Variants in EPS8 observed in about 807,000 individuals in gnomAD.
EPS8 encodes the protein EGFR pathway substrate 8, signaling adaptor, also known as epidermal growth factor receptor kinase substrate 8.
EPS8 carries 42 observed loss-of-function variants against 103.8 expected under a neutral mutation model. The observed-to-expected ratio is 0.40, with a 90% CI of 0.32 to 0.52. The LOEUF (loss-of-function observed/expected upper bound fraction) is 0.52, where lower values mean the gene tolerates loss of function less well. Ranked by LOEUF, EPS8 falls within the 20% of genes least tolerant of loss-of-function variation. The pLI, the probability that EPS8 is intolerant of heterozygous loss-of-function variation, is 0.40. For synonymous variants in EPS8, 344 were observed against 344.6 expected (o/e 1.00, Z 0.02); for missense variants, 969 against 1,005.1 (o/e 0.96, Z 0.49).
rs1232168324 is a variant in EPS8, at chr12:15,745,576, C to A, written c.-22+43585G>T. Among the ~76,000 whole-genome samples the A allele has an allele frequency of 3.4e-5, 5 of 146,004 alleles. No individual in the cohort carries two copies. Among genetic ancestry groups the A allele is most frequent in the African/African-American group, 7.7e-5 (3 of 39,094 alleles). On this transcript the variant is annotated intron_variant, in intron 1 of 20. Transcript: ENST00000281172. The surrounding 1 kb of genome is among the most constrained non-coding windows in gnomAD (Gnocchi z 4.6). ...ATGTATCCAAAAAAAAAAAAAAATT[C>A]TTTAAACCACAGAAAAAGAAATCAC... is the stretch of plus-strand genomic sequence containing the variant.
chr12:15,676,416 C>G (rs1200731124), intron 3 of EPS8, among the ~76,000 whole-genome samples: 2 of 151,952 alleles, frequency 1.3e-5, no homozygotes, highest in African/African-American at 4.8e-5. Flanking sequence ...AGGCTTGAGA[C>G]CCAGTCACAT....
At position 15,762,747 on chromosome 12, in the gene EPS8, G is replaced by A. The variant is rs555316346; in HGVS notation, c.-22+26414C>T. 5.3e-5 allele frequency among the ~76,000 whole-genome samples: 8 copies of A among 152,276 alleles called. No homozygotes were observed. In the South Asian group the frequency reaches 6.2e-4, roughly 12 times the overall value. On this transcript the variant is annotated intron_variant, in intron 1 of 20. Transcript: ENST00000281172. This position sits in a 1 kb window ranked among gnomAD's most constrained non-coding sequence, Gnocchi z 4.8. ...AAACAATTGAACTCATGGAGAGAGA[G>A]TATAGAAGGATGGTTACCAGAGGCT...
rs1350758343 is a variant in EPS8 at position 15,620,787 on chromosome 12, T to A, written c.*530A>T. 6.6e-6 allele frequency: 1 copy of A among 152,364 alleles called. No individual in the cohort carries two copies. Among genetic ancestry groups the A allele is most frequent in the Non-Finnish European group, 1.5e-5 (1 of 68,122 alleles). The allele number at this position is 152,364 out of a possible 1,614,324, so 9.4% of individuals were successfully genotyped here. A position where few individuals can be genotyped will look rare whatever the true frequency, so the allele number is the denominator to read the frequency against. The stretch of plus-strand genomic sequence containing the variant: ...GGCTGTACTTTACAGTTCATTCAAA[T>A]GTTTTAATTTTTTTTTAAACTGTTG... On this transcript the variant is annotated 3_prime_UTR_variant, in exon 21 of 21. Coordinates refer to ENST00000281172, the MANE Select transcript of EPS8 (RefSeq NM_004447.6).
intron 6 of EPS8, among the ~76,000 whole-genome samples, chr12:15,668,364 C>T (rs906986451): frequency 1.3e-5 from 2 of 152,132 alleles, no homozygotes; most frequent in African/African-American, 4.8e-5. Flanking sequence ...CTGTGCTAAT[C>T]TCCTAGAGTT....
intron 1 of EPS8, among the ~76,000 whole-genome samples, chr12:15,740,400 C>T (rs1244638810): frequency 6.6e-6 from 1 of 151,864 alleles, no homozygotes; most frequent in African/African-American, 2.4e-5. Context: ...CAAAAATTAG[C>T]CAGGCGTGGT....
intron 1 of EPS8, among the ~76,000 whole-genome samples, chr12:15,753,971 G>A (rs1345327042): frequency 6.6e-6 from 1 of 152,232 alleles, no homozygotes; most frequent in African/African-American, 2.4e-5. Flanking sequence ...ACCTGAGGAG[G>A]TGAAAGAAAG....
rs78816311 is a variant in EPS8, at chr12:15,658,496, C to A, written c.1026+1G>T. On this transcript the variant is annotated splice_donor_variant, in intron 11 of 20. Coordinates refer to ENST00000281172, the MANE Select transcript of EPS8 (RefSeq NM_004447.6). LOFTEE classifies it high-confidence loss of function. Reference sequence around the variant, plus strand: ...ATTCTATATACATAAATTTCACTTACCAGAAGGTTAAATCCGTGTTTAAAC... The same window carrying A: ...ATTCTATATACATAAATTTCACTTAACAGAAGGTTAAATCCGTGTTTAAAC... The A allele has an allele frequency of 1.3e-6, 2 of 1,587,588 alleles. No individual in the cohort carries two copies. Among genetic ancestry groups the A allele is most frequent in the Non-Finnish European group, 1.7e-6 (2 of 1,156,378 alleles).
rs547368775 is a variant in EPS8, at chr12:15,642,357, C to CA, written c.1569-528dup. On this transcript the variant is annotated intron_variant, in intron 15 of 20. Coordinates refer to ENST00000281172, the MANE Select transcript of EPS8 (RefSeq NM_004447.6). ...ACACTTTGCCCAGTTATCTAAATTGCAAAAAAAAGAGATATGCATTAAGTA... is the reference window on the plus strand; with the variant it reads ...ACACTTTGCCCAGTTATCTAAATTGCAAAAAAAAAGAGATATGCATTAAGTA... Among the ~76,000 whole-genome samples the CA allele has an allele frequency of 5.9e-4, 89 of 150,434 alleles. 1 individual carries two copies. In the South Asian group the frequency reaches 0.011, roughly 18 times the overall value.
At chr12:15,634,732 G>T in intron 17 of EPS8, 1 of 398,810 alleles carries the variant, frequency 2.5e-6, no homozygotes, top group Non-Finnish European at 4.4e-6. Flanking sequence ...GAACGAATGT[G>T]GGTTACCTCT....
At chr12:15,711,352 T>C (rs1283107366) in intron 1 of EPS8, among the ~76,000 whole-genome samples, 1 of 152,162 alleles carries the variant, frequency 6.6e-6, no homozygotes, top group Non-Finnish European at 1.5e-5. Flanking sequence ...ACTATTTACA[T>C]AGAAATGAGA....
At chr12:15,652,678 T>G (rs1030095411) in intron 13 of EPS8, among the ~76,000 whole-genome samples, 1 of 152,164 alleles carries the variant, frequency 6.6e-6, no homozygotes, top group East Asian at 1.9e-4. Context: ...GCTATACTAG[T>G]ACATAAATAA....
chr12:15,739,647 C>G (rs1237187967), intron 1 of EPS8, among the ~76,000 whole-genome samples: 1 of 152,154 alleles, frequency 6.6e-6, no homozygotes, highest in Non-Finnish European at 1.5e-5. Flanking sequence ...GGCTCTTGGG[C>G]CCTCAGCTTC....
intron 1 of EPS8, among the ~76,000 whole-genome samples, chr12:15,692,910 T>A (rs201695811): frequency 1.3e-5 from 2 of 152,344 alleles, no homozygotes; most frequent in Middle Eastern, 3.4e-3. Flanking sequence ...TTCTCTGATC[T>A]TTCTGAGAAT....
rs561692419 is a variant in EPS8, at chr12:15,698,456, G to C, written c.-21-15484C>G. ...GTTAACCTCATCCACACAGTAAACA[G>C]ACATCTCTCTCCTCCAGCCTCTCCA... On this transcript the variant is annotated intron_variant, in intron 1 of 20. Coordinates refer to ENST00000281172, the MANE Select transcript of EPS8 (RefSeq NM_004447.6). This position sits in a 1 kb window ranked among gnomAD's most constrained non-coding sequence, Gnocchi z 4.9. 2.0e-5 allele frequency among the ~76,000 whole-genome samples: 3 copies of C among 151,918 alleles called. No individual in the cohort carries two copies. The South Asian group carries it at 6.2e-4, about 32-fold the overall frequency.
rs1946883747 is a variant in EPS8 at position 15,747,144 on chromosome 12, C to T, written c.-22+42017G>A. On this transcript the variant is annotated intron_variant, in intron 1 of 20. Transcript: ENST00000281172. This position sits in a 1 kb window ranked among gnomAD's most constrained non-coding sequence, Gnocchi z 4.4. Reference sequence around the variant, plus strand: ...TCAATGCATAAAGCCAACCTAGTAACCCTCAATAATATATCCTATTTTTCT... The same window carrying T: ...TCAATGCATAAAGCCAACCTAGTAATCCTCAATAATATATCCTATTTTTCT... 6.6e-6 allele frequency among the ~76,000 whole-genome samples: 1 copy of T among 152,118 alleles called. No homozygotes were observed. Among genetic ancestry groups the T allele is most frequent in the African/African-American group, 2.4e-5 (1 of 41,408 alleles).
At chr12:15,665,644 T>TA (rs1945694785) in intron 8 of EPS8, 112 bp downstream of exon 8, 1 of 1,392,564 alleles carries the variant, frequency 7.2e-7, no homozygotes, top group South Asian at 1.2e-5. Flanking sequence ...GTTGATTTTT[T>TA]AAAAACTAAC....
At chr12:15,643,740 GAAAAAAAAAA>G (rs56952348) in intron 15 of EPS8, among the ~76,000 whole-genome samples, 1 of 76,994 alleles carries the variant, frequency 1.3e-5, no homozygotes, top group Non-Finnish European at 2.5e-5. Context: ...ACTCTGTCTC[GAAAAAAAAAA>G]AAAAAAAAAA....
At position 15,633,679 on chromosome 12, in the gene EPS8, T is replaced by C. The variant is rs150575209; in HGVS notation, c.1822-2015A>G. Reference sequence around the variant, plus strand: ...ACATATTTGATTAAAGAAACCCATATGAAAATGTATGCCATAAATTATATT... The same window carrying C: ...ACATATTTGATTAAAGAAACCCATACGAAAATGTATGCCATAAATTATATT... On this transcript the variant is annotated intron_variant, in intron 17 of 20. Transcript: ENST00000281172. Among the ~76,000 whole-genome samples the C allele has an allele frequency of 3.8e-3, 584 of 152,340 alleles. 1 individual carries two copies. Among genetic ancestry groups the C allele is most frequent in the Admixed American group, 7.0e-3 (107 of 15,304 alleles).
chr12:15,689,477 A>G (rs990755089), intron 1 of EPS8, among the ~76,000 whole-genome samples: 40 of 152,154 alleles, frequency 2.6e-4, no homozygotes, highest in African/African-American at 9.2e-4. Flanking sequence ...TACTCTAAAA[A>G]CATCTTTTTT....
Sources: allele counts gnomAD v4.1 joint callset (sites outside exome capture counted in the v4.1 genomes callset), GRCh38; gene constraint gnomAD v4.1.1; non-coding constraint Gnocchi (gnomAD v3.1); transcripts MANE v1.5; gene names NCBI Gene and HGNC (gene_info 2026-07-23, HGNC 2026-07-21).